Variants in STXBP5L observed in about 807,000 individuals in gnomAD.
The protein encoded by STXBP5L is syntaxin-binding protein 5-like.
A neutral mutation model predicts 144.5 loss-of-function variants in STXBP5L; 65 were observed. The observed-to-expected ratio is 0.45, with a 90% CI of 0.37 to 0.55. The LOEUF is 0.55. Ranked by LOEUF, STXBP5L falls within the 20% of genes least tolerant of loss-of-function variation. STXBP5L has a pLI of 0.00. For missense variants in STXBP5L, 1,298 were observed against 1,405.5 expected (o/e 0.92, Z 1.22); for synonymous variants, 505 against 469.6 (o/e 1.08, Z -0.97).
intron 22 of STXBP5L, among the ~76,000 whole-genome samples, chr3:121,397,232 C>G (rs754981422): frequency 3.9e-5 from 6 of 152,166 alleles, no homozygotes; most frequent in African/African-American, 1.4e-4. Context: ...AAATCTATGA[C>G]TATTAAAGGC....
chr3:121,281,943 A>G (rs1376895339), intron 19 of STXBP5L, among the ~76,000 whole-genome samples: 1 of 151,662 alleles, frequency 6.6e-6, no homozygotes, highest in Non-Finnish European at 1.5e-5. Context: ...TGTATTTTGT[A>G]AAAACATATA....
chr3:121,277,805 C>T (rs967791515), intron 18 of STXBP5L, among the ~76,000 whole-genome samples: 4 of 151,798 alleles, frequency 2.6e-5, no homozygotes, highest in African/African-American at 9.7e-5. Flanking sequence ...TGTCTCACTG[C>T]TGAAGTGACA....
intron 3 of STXBP5L, among the ~76,000 whole-genome samples, chr3:121,024,653 C>T (rs552102405): frequency 6.6e-6 from 1 of 152,192 alleles, no homozygotes; most frequent in African/African-American, 2.4e-5. Context: ...ACTCATTCTA[C>T]CATTAATGTC....
chr3:121,104,774 A>T lies in STXBP5L; in HGVS notation c.471-10151A>T, dbSNP rs192487717. On this transcript the variant is annotated intron_variant, in intron 5 of 26. Coordinates refer to ENST00000471454, the MANE Select transcript of STXBP5L (RefSeq NM_001308330.2). ...GATGGATCAAAGACTTAAATCTAACACCTGAAACCACAAAAATCCTAGAAG... is the reference window on the plus strand; with the variant it reads ...GATGGATCAAAGACTTAAATCTAACTCCTGAAACCACAAAAATCCTAGAAG... Among the ~76,000 whole-genome samples, 325 of 152,312 alleles carry T rather than the reference A, an allele frequency of 2.1e-3. 1 individual carries two copies. Among genetic ancestry groups the T allele is most frequent in the African/African-American group, 7.1e-3 (295 of 41,576 alleles).
At chr3:121,390,680 A>T (rs1349053909) in intron 22 of STXBP5L, among the ~76,000 whole-genome samples, 2 of 151,788 alleles carry the variant, frequency 1.3e-5, no homozygotes, top group Non-Finnish European at 2.9e-5. Context: ...TGGGTTGAAA[A>T]TTTTTTTCTT....
chr3:120,993,070 G>C (rs888734880), intron 3 of STXBP5L, among the ~76,000 whole-genome samples: 3 of 151,942 alleles, frequency 2.0e-5, no homozygotes, highest in East Asian at 3.9e-4. Flanking sequence ...AGCATTTTTC[G>C]TGTGCCTTTT....
intron 20 of STXBP5L, among the ~76,000 whole-genome samples, chr3:121,325,722 G>A (rs1312392092): frequency 2.4e-4 from 36 of 151,844 alleles, no homozygotes; most frequent in Non-Finnish European, 5.9e-5. Flanking sequence ...AGTATATTAA[G>A]CCTTTTTTAC....
At chr3:121,275,152 T>C (rs2050843620) in intron 18 of STXBP5L, among the ~76,000 whole-genome samples, 1 of 152,182 alleles carries the variant, frequency 6.6e-6, no homozygotes, top group Non-Finnish European at 1.5e-5. Context: ...CCTGTACTTT[T>C]AATTAAGTCT....
chr3:121,191,882 T>C (rs1577169643), intron 9 of STXBP5L, among the ~76,000 whole-genome samples: 1 of 128,436 alleles, frequency 7.8e-6, no homozygotes, highest in South Asian at 2.4e-4. Flanking sequence ...CACTCATAGG[T>C]GGGAATTGAA....
chr3:121,057,365 G>A (rs1948534440), intron 5 of STXBP5L, among the ~76,000 whole-genome samples: 1 of 151,578 alleles, frequency 6.6e-6, no homozygotes, highest in Non-Finnish European at 1.5e-5. Flanking sequence ...AAATTTTACT[G>A]AATCATCAGG....
intron 5 of STXBP5L, among the ~76,000 whole-genome samples, chr3:121,078,898 A>G (rs2042139829): frequency 6.6e-6 from 1 of 152,192 alleles, no homozygotes; most frequent in Non-Finnish European, 1.5e-5. Flanking sequence ...CTGGCCCGCA[A>G]TTGCCACGCG....
chr3:121,059,769 GT>G (rs1220912897), intron 5 of STXBP5L, among the ~76,000 whole-genome samples: 1 of 150,546 alleles, frequency 6.6e-6, no homozygotes, highest in African/African-American at 2.4e-5. Flanking sequence ...TGATTTGGCT[GT>G]TTGTCTATTA....
At chr3:121,121,989 C>G (rs1465609306) in intron 7 of STXBP5L, among the ~76,000 whole-genome samples, 1 of 150,806 alleles carries the variant, frequency 6.6e-6, no homozygotes, top group Non-Finnish European at 1.5e-5. Context: ...TTCAAATACT[C>G]TATGCTTGAA....
At chr3:120,981,361 C>T (rs916043246) in intron 3 of STXBP5L, among the ~76,000 whole-genome samples, 5 of 152,042 alleles carry the variant, frequency 3.3e-5, no homozygotes, top group Non-Finnish European at 7.4e-5. Flanking sequence ...TAAATAATCC[C>T]ATGTTTCTCA....
chr3:121,066,652 G>A (rs1308723693), intron 5 of STXBP5L, among the ~76,000 whole-genome samples: 3 of 152,010 alleles, frequency 2.0e-5, no homozygotes, highest in Admixed American at 2.0e-4. Context: ...TAATCTCTAT[G>A]TTCACAAAAG....
At position 121,207,849 on chromosome 3, in the gene STXBP5L, A is replaced by T. The variant is rs145234310; in HGVS notation, c.956+1848A>T. Among the ~76,000 whole-genome samples the T allele has an allele frequency of 8.5e-5, 13 of 152,254 alleles. No individual in the cohort carries two copies. In the East Asian group the frequency reaches 2.5e-3, roughly 29 times the overall value. ...CAGGAAAAAGCAGGTACTGGAGAGG[A>T]TGTGGAGAAATAGGAACACTTTTAC... On this transcript the variant is annotated intron_variant, in intron 10 of 26. Transcript: ENST00000471454.
At chr3:121,059,068 AT>A (rs1362872012) in intron 5 of STXBP5L, among the ~76,000 whole-genome samples, 3 of 152,138 alleles carry the variant, frequency 2.0e-5, no homozygotes, top group Non-Finnish European at 4.4e-5. Context: ...CCTGAACAGT[AT>A]TGCCTAGATT....
intron 3 of STXBP5L, among the ~76,000 whole-genome samples, chr3:121,030,163 C>G (rs1212424017): frequency 6.6e-6 from 1 of 152,160 alleles, no homozygotes; most frequent in Non-Finnish European, 1.5e-5. Flanking sequence ...TATGACTCAG[C>G]AATCCCATTA....
intron 5 of STXBP5L, among the ~76,000 whole-genome samples, chr3:121,100,481 G>T (rs2043361577): frequency 6.6e-6 from 1 of 152,058 alleles, no homozygotes; most frequent in African/African-American, 2.4e-5. Context: ...TTAAAAACTT[G>T]CTCCCGATTG....
Sources: gnomAD v4.1 joint callset for allele counts (sites outside exome capture counted in the v4.1 genomes callset) on GRCh38, gnomAD v4.1.1 for gene constraint, MANE v1.5 for transcripts, NCBI Gene and HGNC (gene_info 2026-07-23, HGNC 2026-07-21) for gene names.